TAPT1: variants seen among roughly 807,000 people sequenced by gnomAD.
The protein encoded by TAPT1 is transmembrane anterior posterior transformation 1.
Under a neutral mutation model 65.6 loss-of-function variants are expected in TAPT1, and 28 were observed. That is an observed-to-expected ratio of 0.43 (90% CI 0.32 to 0.59). The LOEUF (loss-of-function observed/expected upper bound fraction) is 0.59, where lower values mean the gene tolerates loss of function less well. TAPT1 is among the 20% of genes least tolerant of loss of function. The probability of loss-of-function intolerance (pLI) is 0.09; values close to 1 mark genes in which losing one functional copy is unlikely to be tolerated. For missense variants in TAPT1, 563 were observed against 679.9 expected (o/e 0.83, Z 1.91); for synonymous variants, 278 against 245.2 (o/e 1.13, Z -1.25).
intron 1 of TAPT1, among the ~76,000 whole-genome samples, chr4:16,224,229 T>C (rs548709412): frequency 6.6e-6 from 1 of 152,248 alleles, no homozygotes; most frequent in East Asian, 1.9e-4. Flanking sequence ...AGGGAATCGT[T>C]TTTAAAAATT....
chr4:16,191,352 G>A lies in TAPT1; in HGVS notation c.612+9C>T. On this transcript the variant is annotated intron_variant, in intron 4 of 13. Coordinates refer to ENST00000405303, the MANE Select transcript of TAPT1 (RefSeq NM_153365.3). Reference sequence around the variant, plus strand: ...GGCCAGGCCTGTGCGGGGTAAGCAAGGCCCTTACCTCCAGCATGTTGTAGA... The same window carrying A: ...GGCCAGGCCTGTGCGGGGTAAGCAAAGCCCTTACCTCCAGCATGTTGTAGA... 6.3e-7 allele frequency: 1 copy of A among 1,594,846 alleles called. No individual in the cohort carries two copies. Among genetic ancestry groups the A allele is most frequent in the South Asian group, 1.1e-5 (1 of 87,286 alleles).
chr4:16,189,562 C>T (rs1483118097), intron 4 of TAPT1, among the ~76,000 whole-genome samples: 2 of 152,176 alleles, frequency 1.3e-5, no homozygotes, highest in Non-Finnish European at 2.9e-5. Context: ...AGTATCTCCA[C>T]TTTACAGATG....
intron 2 of TAPT1, among the ~76,000 whole-genome samples, chr4:16,206,663 C>T (rs28485928): frequency 0.054 from 8,169 of 151,864 alleles, 245 homozygotes; most frequent in Middle Eastern, 0.14. Flanking sequence ...GAGGACAGTA[C>T]GGAAGGAGAA....
At chr4:16,209,898 T>C (rs1193492141) in intron 2 of TAPT1, among the ~76,000 whole-genome samples, 1 of 152,198 alleles carries the variant, frequency 6.6e-6, no homozygotes, top group East Asian at 1.9e-4. Flanking sequence ...GATGTAAGTG[T>C]CCAAGTCAAG....
intron 13 of TAPT1, among the ~76,000 whole-genome samples, chr4:16,165,852 G>A (rs1342168391): frequency 6.6e-6 from 1 of 152,180 alleles, no homozygotes; most frequent in African/African-American, 2.4e-5. Flanking sequence ...CCAGATAGCT[G>A]CCTCTCTGGT....
chr4:16,174,699 A>G lies in TAPT1; in HGVS notation c.1138T>C (p.Phe380Leu). Residue 380 changes from phenylalanine to leucine, a missense_variant, in exon 10 of 14, where the codon TTT becomes CTT. Physicochemically the swap from Phe to Leu is conservative, Grantham distance 22 (BLOSUM62 0). This residue lies in a region of TAPT1 where 104 missense variants were observed against 102.5 expected (regional missense o/e 1.01). Coordinates refer to ENST00000405303, the MANE Select transcript of TAPT1 (RefSeq NM_153365.3). ...VYSEYRASLA[F>L]DLVSSRQKNA... is the part of the protein sequence containing the mutation. ...TTCTGTCGGCTGCTAACAAGGTCAA[A>G]AGCAAGACTGGCTCTATATTCACTG... 2 of 1,594,382 alleles carry G rather than the reference A, an allele frequency of 1.3e-6. No homozygotes were observed. Among genetic ancestry groups the G allele is most frequent in the Non-Finnish European group, 1.7e-6 (2 of 1,169,802 alleles).
At position 16,161,197 on chromosome 4, in the gene TAPT1, C is replaced by T. The variant is rs1578397636; in HGVS notation, c.*2111G>A. The T allele has an allele frequency of 2.0e-5, 3 of 152,624 alleles. No homozygotes were observed. Among genetic ancestry groups the T allele is most frequent in the South Asian group, 4.1e-4 (2 of 4,832 alleles). 9.5% of individuals were successfully genotyped at this position (152,624 alleles called of 1,614,324 possible). On this transcript the variant is annotated 3_prime_UTR_variant, in exon 14 of 14. Transcript: ENST00000405303. ...AGCAATAATTCAAATTAAGATAGCT[C>T]TATCACTTGTGAATTACAAATAAAT...
intron 2 of TAPT1, among the ~76,000 whole-genome samples, chr4:16,210,099 T>C: frequency 6.6e-6 from 1 of 152,286 alleles, no homozygotes; most frequent in East Asian, 1.9e-4. Context: ...TGTGTTATCA[T>C]CTCTCATGGC....
intron 1 of TAPT1, among the ~76,000 whole-genome samples, chr4:16,223,880 G>C (rs1751400632): frequency 6.6e-6 from 1 of 152,092 alleles, no homozygotes; most frequent in Non-Finnish European, 1.5e-5. Context: ...CTAGGCTGTT[G>C]GGACTGATCA....
At chr4:16,173,635 C>A (rs756143593) in intron 11 of TAPT1, among the ~76,000 whole-genome samples, 1 of 152,198 alleles carries the variant, frequency 6.6e-6, no homozygotes, top group Non-Finnish European at 1.5e-5. Flanking sequence ...TTAATTACCA[C>A]TGATAGAGAA....
upstream of TAPT1, chr4:16,226,905 T>G: frequency 3.1e-6 from 1 of 317,990 alleles, no homozygotes; most frequent in South Asian, 2.4e-5. Context: ...CTGCGAGGTG[T>G]CCGGCGGTCC....
intron 1 of TAPT1, among the ~76,000 whole-genome samples, chr4:16,216,806 T>C (rs1321191149): frequency 1.3e-5 from 2 of 152,206 alleles, no homozygotes; most frequent in Non-Finnish European, 2.9e-5. Flanking sequence ...CCTTCAATGC[T>C]AACTCCACCT....
intron 1 of TAPT1, among the ~76,000 whole-genome samples, chr4:16,221,640 T>C (rs1339976917): frequency 6.6e-6 from 1 of 152,254 alleles, no homozygotes; most frequent in Non-Finnish European, 1.5e-5. Flanking sequence ...CATAAATATA[T>C]TTATATGTTC....
chr4:16,186,657 G>A, intron 6 of TAPT1, 53 bp from the exon 7 acceptor site: 2 of 1,405,888 alleles, frequency 1.4e-6, no homozygotes, highest in Non-Finnish European at 2.0e-6. Flanking sequence ...TTTAAAAACT[G>A]GACTTGCTAC....
At chr4:16,186,926 C>G in intron 5 of TAPT1, 48 bp from the exon 6 acceptor site, 20 of 996,520 alleles carry the variant, frequency 2.0e-5, no homozygotes, top group Non-Finnish European at 2.9e-5. Flanking sequence ...CATATTATTA[C>G]TGATAATACT....
intron 2 of TAPT1, among the ~76,000 whole-genome samples, chr4:16,211,612 C>A (rs984315600): frequency 6.6e-6 from 1 of 152,160 alleles, no homozygotes; most frequent in Non-Finnish European, 1.5e-5. Context: ...AAGCCTCTCT[C>A]AGGGAAAACA....
chr4:16,226,627 G>A (rs12643453), upstream of TAPT1: 8,558 of 238,602 alleles, frequency 0.036, 250 homozygotes, highest in African/African-American at 0.087. Flanking sequence ...CGCGTGTGAG[G>A]CCGCTGCCGC....
At chr4:16,170,506 C>A in intron 12 of TAPT1, 147 bp downstream of exon 12, 1 of 510,128 alleles carries the variant, frequency 2.0e-6, no homozygotes, top group South Asian at 4.1e-5. Flanking sequence ...AACTGAGTCA[C>A]AAATAAATAC....
chr4:16,226,391 G>T lies in TAPT1; in HGVS notation c.67C>A (p.Arg23=). The T allele has an allele frequency of 9.1e-7, 1 of 1,097,606 alleles. No individual in the cohort carries two copies. 68.0% of individuals were successfully genotyped at this position (1,097,606 alleles called of 1,614,324 possible). The part of the protein sequence containing the change: ...GGGGGVDGPQ[R]DGRGEAEQPG... The stretch of plus-strand genomic sequence containing the variant: ...TGCTCCGCCTCGCCGCGGCCGTCCC[G>T]CTGCGGGCCGTCCACGCCGCCACCG... The change falls in exon 1 of 14, where the codon CGG becomes AGG. Residue 23 remains arginine (R), a synonymous_variant. Transcript: ENST00000405303.
Sources: allele counts gnomAD v4.1 joint callset (sites outside exome capture counted in the v4.1 genomes callset), GRCh38; gene constraint gnomAD v4.1.1; regional missense constraint gnomAD v4.1.1; transcripts MANE v1.5; gene names NCBI Gene and HGNC (gene_info 2026-07-23, HGNC 2026-07-21).